The following ELOF1 variants were observed in gnomAD, a reference collection of about 807,000 sequenced individuals.
The protein encoded by ELOF1 is elongation factor 1.
In ELOF1, 4 loss-of-function variants were observed where a neutral mutation model predicts 7.1. The ratio of observed to expected loss-of-function variants is 0.56; its 90% confidence interval spans 0.28 to 1.29. The LOEUF is 1.29. ELOF1 is among the 50% of genes most tolerant of loss of function. The pLI, the probability that ELOF1 is intolerant of heterozygous loss-of-function variation, is 0.10. For synonymous variants in ELOF1, 31 were observed against 31.9 expected (o/e 0.97, Z 0.09); for missense variants, 59 against 86.3 (o/e 0.68, Z 1.25).
At chr19:11,557,691 G>C (rs1021541601) in intron 1 of ELOF1, among the ~76,000 whole-genome samples, 17 of 150,546 alleles carry the variant, frequency 1.1e-4, no homozygotes, top group Non-Finnish European at 1.5e-4. Context: ...TCAGGAGTTC[G>C]AGACCAGCCT....
intron 1 of ELOF1, chr19:11,555,846 G>A (rs1012429461): frequency 6.5e-6 from 1 of 153,074 alleles, no homozygotes; most frequent in Non-Finnish European, 1.5e-5. Context: ...GAGGGTGAGA[G>A]AGACAGAGGA....
At chr19:11,553,611 A>G in intron 3 of ELOF1, 1 of 766,210 alleles carries the variant, frequency 1.3e-6, no homozygotes, top group Non-Finnish European at 2.1e-6. Flanking sequence ...ACACACACAC[A>G]CACACACACA....
intron 3 of ELOF1, chr19:11,553,499 GCA>G: frequency 1.6e-6 from 1 of 607,436 alleles, no homozygotes. Context: ...GTACCTGTGA[GCA>G]CACACTCACG....
chr19:11,553,947 G>T lies in ELOF1; in HGVS notation c.187+64C>A, dbSNP rs373549538. On this transcript the variant is annotated intron_variant, in intron 3 of 3. Coordinates refer to ENST00000586683, the Ensembl canonical transcript of ELOF1. ...CACCAGGGCACACAGTGGGCCAGATGAGCAGGGTCCGGACTCCAGCCCCCT... is the reference window on the plus strand; with the variant it reads ...CACCAGGGCACACAGTGGGCCAGATTAGCAGGGTCCGGACTCCAGCCCCCT... 65 of 1,612,118 alleles carry T rather than the reference G, an allele frequency of 4.0e-5. No homozygotes were observed. The African/African-American group carries it at 7.7e-4, about 19-fold the overall frequency.
intron 1 of ELOF1, among the ~76,000 whole-genome samples, chr19:11,555,939 T>C (rs1972827120): frequency 6.6e-6 from 1 of 151,684 alleles, no homozygotes; most frequent in Non-Finnish European, 1.5e-5. Flanking sequence ...ACATAGTGGC[T>C]AGAGGGACAA....
At chr19:11,554,576 C>T (rs1355023836) in intron 1 of ELOF1, 1 of 643,404 alleles carries the variant, frequency 1.6e-6, no homozygotes. Context: ...CTAACCCCAT[C>T]TCTCTCACTT....
chr19:11,556,227 T>C (rs1972831683), intron 1 of ELOF1, among the ~76,000 whole-genome samples: 1 of 152,152 alleles, frequency 6.6e-6, no homozygotes, highest in African/African-American at 2.4e-5. Flanking sequence ...GTCAGCAGCC[T>C]GCCAGTGTCT....
chr19:11,558,506 C>T (rs188689691), intron 1 of ELOF1, among the ~76,000 whole-genome samples: 13 of 152,114 alleles, frequency 8.5e-5, no homozygotes, highest in East Asian at 5.8e-4. Flanking sequence ...CTTTGGGAGG[C>T]CCAGGTGGGA....
rs1016367201 is a variant in ELOF1 at position 11,553,276 on chromosome 19, G to A, written c.188-221C>T. On this transcript the variant is annotated intron_variant, in intron 3 of 3. Coordinates refer to ENST00000586683, the Ensembl canonical transcript of ELOF1. The stretch of plus-strand genomic sequence containing the variant: ...AGAGCGGGAAGTCCAGTTGAGATGG[G>A]CACGGTGCTGGTGAGGAGGCTGGAG... 7.5e-6 allele frequency: 3 copies of A among 400,304 alleles called. 1 individual carries two copies. The highest frequency in any genetic ancestry group is 4.1e-5 in the African/African-American group (2 of 49,082). 24.8% of individuals were successfully genotyped at this position (400,304 alleles called of 1,614,324 possible).
rs1370835715 is a variant in ELOF1 at position 11,553,730 on chromosome 19, C to T, written c.187+281G>A. On this transcript the variant is annotated intron_variant, in intron 3 of 3. Transcript: ENST00000586683. ...ACAGTACGCGGGGCTGCTCAGGGGG[C>T]GGGTCCTCTGTGTCGCTACTGATTG... 6 of 1,614,030 alleles carry T rather than the reference C, an allele frequency of 3.7e-6. No individual in the cohort carries two copies. In the African/African-American group the frequency reaches 5.3e-5, roughly 14 times the overall value.
intron 1 of ELOF1, among the ~76,000 whole-genome samples, chr19:11,556,343 A>G (rs1972833795): frequency 6.6e-6 from 1 of 151,798 alleles, no homozygotes; most frequent in Non-Finnish European, 1.5e-5. Flanking sequence ...TCTGCCGCCC[A>G]GGCTGGAGTG....
chr19:11,554,063 G>T, exon 3 of ELOF1: 1 of 1,614,210 alleles, frequency 6.2e-7, no homozygotes, highest in Middle Eastern at 1.6e-4. Context: ...AGATGACTCC[G>T]GTGTTGCGGG....
chr19:11,553,458 C>T (rs1972761380), intron 3 of ELOF1: 3 of 580,294 alleles, frequency 5.2e-6, no homozygotes, highest in African/African-American at 3.7e-5. Flanking sequence ...TCAGTTCAGG[C>T]CCCTCAGGCC....
At chr19:11,554,505 A>AAGG in intron 1 of ELOF1, 140 bp from the exon 2 acceptor site, 4 of 1,232,868 alleles carry the variant, frequency 3.2e-6, no homozygotes, top group Non-Finnish European at 4.4e-6. Context: ...CGAGGCCCTC[A>AAGG]GTCCTGATGC....
intron 1 of ELOF1, among the ~76,000 whole-genome samples, chr19:11,557,747 G>A (rs905052009): frequency 4.0e-5 from 6 of 151,746 alleles, no homozygotes; most frequent in Admixed American, 3.9e-4. Flanking sequence ...ACAAAAATTA[G>A]CCAGGCATGG....
chr19:11,557,297 G>A (rs557209885), intron 1 of ELOF1, among the ~76,000 whole-genome samples: 1 of 152,244 alleles, frequency 6.6e-6, no homozygotes, highest in South Asian at 2.1e-4. Flanking sequence ...CTCCAATGAA[G>A]AGAGCACGTG....
chr19:11,558,101 T>C (rs61149527), intron 1 of ELOF1, among the ~76,000 whole-genome samples: 35,150 of 152,068 alleles, frequency 0.23, 7,534 homozygotes, highest in African/African-American at 0.57. Context: ...CCCCTGACAT[T>C]GCAACCTGCT....
intron 1 of ELOF1, among the ~76,000 whole-genome samples, chr19:11,557,676 C>T (rs1037007565): frequency 6.8e-6 from 1 of 147,112 alleles, no homozygotes; most frequent in Admixed American, 6.9e-5. Flanking sequence ...GGGCAGATCA[C>T]GAGGTCAGGA....
intron 1 of ELOF1, among the ~76,000 whole-genome samples, chr19:11,558,205 C>T (rs1972861029): frequency 6.6e-6 from 1 of 152,140 alleles, no homozygotes; most frequent in Non-Finnish European, 1.5e-5. Flanking sequence ...CTTTTTCCCT[C>T]ACACATTCCT....
Sources: allele counts gnomAD v4.1 joint callset (sites outside exome capture counted in the v4.1 genomes callset), GRCh38; gene constraint gnomAD v4.1.1; transcripts MANE v1.5; gene names NCBI Gene and HGNC (gene_info 2026-07-23, HGNC 2026-07-21).